Variants in CCDC141 observed in about 807,000 individuals in gnomAD.
CCDC141 encodes the protein coiled-coil domain containing 141.
Under a neutral mutation model 181.0 loss-of-function variants are expected in CCDC141, and 168 were observed. That is an observed-to-expected ratio of 0.93 (90% CI 0.82 to 1.05). CCDC141 has a LOEUF of 1.05. Ranked by LOEUF, CCDC141 falls within the 50% of genes least tolerant of loss-of-function variation. CCDC141 has a pLI of 0.00. For missense variants in CCDC141, 1,902 were observed against 1,788.5 expected, an observed-to-expected ratio of 1.06 and a Z score of -1.14; for synonymous variants, 666 against 642.3, an observed-to-expected ratio of 1.04 and a Z score of -0.56.
intron 2 of CCDC141, among the ~76,000 whole-genome samples, chr2:179,027,697 C>T (rs1011062616): frequency 3.5e-5 from 5 of 140,914 alleles, no homozygotes; most frequent in Middle Eastern, 7.6e-3. Context: ...CCTGCACAAG[C>T]TCTCTCTCTG....
chr2:178,978,529 T>C lies in CCDC141; in HGVS notation c.372A>G (p.Thr124=), dbSNP rs187834647. The C allele has an allele frequency of 2.1e-5, 33 of 1,538,052 alleles. No individual in the cohort carries two copies. The African/African-American group carries it at 4.2e-4, about 19-fold the overall frequency. The part of the protein sequence containing the change: ...AALVSMLERR[T]ELLRLTSEFF... ...ATTCAGAAGTCAACCTAAGGAGCTC[T>C]GTTCTTCTTTCAAGCATGGACACCA... The change falls in exon 3 of 24, where the codon ACA becomes ACG. Residue 124 remains threonine (T), a synonymous_variant. Transcript: ENST00000443758.
At chr2:178,983,086 C>G (rs113441754) in intron 2 of CCDC141, among the ~76,000 whole-genome samples, 7,103 of 152,252 alleles carry the variant, frequency 0.047, 209 homozygotes, top group South Asian at 0.078. Context: ...TTGAAGAGAG[C>G]AGTGGTTCTC....
chr2:178,921,309 T>G (rs1688678039), intron 6 of CCDC141, among the ~76,000 whole-genome samples: 1 of 152,238 alleles, frequency 6.6e-6, no homozygotes, highest in Non-Finnish European at 1.5e-5. Context: ...GAGCAAATAT[T>G]TTTAAAACAG....
At chr2:178,941,818 G>A (rs887664041) in intron 6 of CCDC141, among the ~76,000 whole-genome samples, 2 of 151,392 alleles carry the variant, frequency 1.3e-5, no homozygotes. Context: ...AAATTTGCCA[G>A]GTATGGGGGT....
intron 6 of CCDC141, among the ~76,000 whole-genome samples, chr2:178,942,351 G>T (rs552141330): frequency 4.4e-4 from 67 of 152,216 alleles, no homozygotes; most frequent in African/African-American, 1.6e-3. Context: ...GCCATGAAAA[G>T]ATATAGATAA....
chr2:178,981,626 G>A (rs1330371244), intron 2 of CCDC141, among the ~76,000 whole-genome samples: 1 of 48,958 alleles, frequency 2.0e-5, no homozygotes, highest in Non-Finnish European at 3.5e-5. Context: ...AGCATTGAAT[G>A]TGTGTGTGTG....
At chr2:178,974,958 A>C (rs1691053366) in intron 4 of CCDC141, 99 bp downstream of exon 4, 1 of 540,682 alleles carries the variant, frequency 1.8e-6, no homozygotes, top group Non-Finnish European at 3.2e-6. Flanking sequence ...GTAAACATAA[A>C]TAGATCAATT....
intron 4 of CCDC141, among the ~76,000 whole-genome samples, chr2:178,971,555 G>A (rs956875015): frequency 5.9e-5 from 9 of 152,160 alleles, no homozygotes; most frequent in Non-Finnish European, 1.2e-4. Context: ...ATTTGGCCCA[G>A]CAATCCCATT....
rs182255147 is a variant in CCDC141, at chr2:178,895,619, A to T, written c.1266-6951T>A. Reference sequence around the variant, plus strand: ...AACGGTGTTAACAAGCCAGGATTGCAGTTATGACATTTACCCAGCCTCTAA... The same window carrying T: ...AACGGTGTTAACAAGCCAGGATTGCTGTTATGACATTTACCCAGCCTCTAA... On this transcript the variant is annotated intron_variant, in intron 8 of 23. Transcript: ENST00000443758. 2.4e-3 allele frequency among the ~76,000 whole-genome samples: 360 copies of T among 152,334 alleles called. 3 individuals are homozygous for T. Among genetic ancestry groups the T allele is most frequent in the African/African-American group, 8.4e-3 (350 of 41,574 alleles).
intron 8 of CCDC141, among the ~76,000 whole-genome samples, chr2:178,905,051 T>A (rs1296885218): frequency 2.6e-5 from 4 of 152,164 alleles, no homozygotes; most frequent in Non-Finnish European, 5.9e-5. Flanking sequence ...AAGCTCTACT[T>A]CTTACTTTGT....
intron 11 of CCDC141, among the ~76,000 whole-genome samples, chr2:178,882,365 G>C (rs1275148615): frequency 6.6e-6 from 1 of 152,118 alleles, no homozygotes; most frequent in Admixed American, 6.6e-5. Flanking sequence ...GCGAAACTCT[G>C]TCTGAAATAA....
chr2:178,929,943 G>A (rs1689037917), intron 6 of CCDC141, among the ~76,000 whole-genome samples: 1 of 152,016 alleles, frequency 6.6e-6, no homozygotes, highest in Middle Eastern at 3.2e-3. Context: ...GAGAAGCTCT[G>A]GTCTAGAATA....
intron 19 of CCDC141, among the ~76,000 whole-genome samples, chr2:178,854,367 A>G (rs1415913569): frequency 6.6e-6 from 1 of 152,106 alleles, no homozygotes; most frequent in Non-Finnish European, 1.5e-5. Flanking sequence ...TACTAAAAGT[A>G]CAAAAAAGTA....
At chr2:178,967,704 A>G (rs754803635) in intron 4 of CCDC141, among the ~76,000 whole-genome samples, 5 of 152,224 alleles carry the variant, frequency 3.3e-5, no homozygotes, top group Non-Finnish European at 7.3e-5. Flanking sequence ...ACAACCAGCT[A>G]GCATCATAAT....
Position 178,850,164 on chromosome 2 carries a change from G to A in CCDC141, c.3245-3C>T, listed in dbSNP as rs1365571819. On this transcript the variant is annotated splice_polypyrimidine_tract_variant and splice_region_variant and intron_variant, in intron 20 of 23. Transcript: ENST00000443758. ...ATATTTCTGTCCTTCTTCCAAACCT[G>A]GGGAGGAGAAGGATGAAACTAGTTT... 1 of 1,526,202 alleles carries A rather than the reference G, an allele frequency of 6.6e-7. No homozygotes were observed. The highest frequency in any genetic ancestry group is 2.3e-5 in the East Asian group (1 of 44,286). The allele number at this position is 1,526,202 out of a possible 1,614,324, so 94.5% of individuals were successfully genotyped here.
intron 2 of CCDC141, among the ~76,000 whole-genome samples, chr2:179,039,869 AT>A (rs2043247556): frequency 6.6e-6 from 1 of 152,230 alleles, no homozygotes; most frequent in South Asian, 2.1e-4. Context: ...CATTTGTGAA[AT>A]GGAATTTATA....
chr2:178,969,122 A>C (rs1575281321), intron 4 of CCDC141, among the ~76,000 whole-genome samples: 2 of 149,222 alleles, frequency 1.3e-5, no homozygotes, highest in South Asian at 4.2e-4. Flanking sequence ...AAAAAAAAAA[A>C]AAAAAAAAGC....
intron 2 of CCDC141, among the ~76,000 whole-genome samples, chr2:179,034,334 TG>T (rs1469639606): frequency 6.6e-6 from 1 of 152,040 alleles, no homozygotes; most frequent in East Asian, 1.9e-4. Context: ...CAACAGACAT[TG>T]GGTCCTAATG....
At chr2:178,868,538 C>T (rs1685955886) in intron 15 of CCDC141, among the ~76,000 whole-genome samples, 1 of 149,574 alleles carries the variant, frequency 6.7e-6, no homozygotes, top group Non-Finnish European at 1.5e-5. Context: ...TTAATAGAGA[C>T]CATAACTATG....
Sources: allele counts gnomAD v4.1 joint callset (sites outside exome capture counted in the v4.1 genomes callset), GRCh38; gene constraint gnomAD v4.1.1; transcripts MANE v1.5; gene names NCBI Gene and HGNC (gene_info 2026-07-23, HGNC 2026-07-21).